CLYBL: variants seen among roughly 807,000 people sequenced by gnomAD.
CLYBL encodes citramalyl-CoA lyase, mitochondrial.
Under a neutral mutation model 38.9 loss-of-function variants are expected in CLYBL, and 31 were observed. The ratio of observed to expected loss-of-function variants is 0.80; its 90% CI spans 0.60 to 1.08. The LOEUF is 1.08. Ranked by LOEUF, CLYBL falls within the 50% of genes least tolerant of loss-of-function variation. The probability of loss-of-function intolerance (pLI) is 0.00; values close to 1 mark genes in which losing one functional copy is unlikely to be tolerated. For synonymous variants in CLYBL, 171 were observed against 158.6 expected, an observed-to-expected ratio of 1.08 and a Z score of -0.59; for missense variants, 434 against 411.6, an observed-to-expected ratio of 1.05 and a Z score of -0.47.
chr13:99,812,363 T>C (rs754171964), intron 2 of CLYBL, among the ~76,000 whole-genome samples: 1 of 152,312 alleles, frequency 6.6e-6, no homozygotes, highest in South Asian at 2.1e-4. Flanking sequence ...TTTATAGACA[T>C]ATAGATGTTT....
intron 2 of CLYBL, among the ~76,000 whole-genome samples, chr13:99,811,595 G>A (rs905448502): frequency 6.6e-6 from 1 of 152,162 alleles, no homozygotes. Context: ...GGGATCAGTT[G>A]CCCATTGGGG....
chr13:99,665,346 A>C (rs979650291), intron 1 of CLYBL, among the ~76,000 whole-genome samples: 1 of 151,356 alleles, frequency 6.6e-6, no homozygotes, highest in African/African-American at 2.4e-5. Context: ...TAAAAAAAAA[A>C]TTTCTTAATA....
Position 99,773,002 on chromosome 13 carries a change from AAC to A in CLYBL, c.243_244del (p.Asn81LysfsTer4), listed in dbSNP as rs1289195619. ...VLDCEDGVAA[N>X]KKNEARLRIV... is the part of the protein sequence containing the mutation. ...CGACTGTGAGGATGGAGTGGCTGCA[AAC>A]AAAAAGGTAATGGCATGATTTTAGT... On this transcript the variant is annotated frameshift_variant, in exon 2 of 9. Transcript: ENST00000339105. LOFTEE classifies it high-confidence loss of function. 3 of 1,609,108 alleles carry A rather than the reference AAC, an allele frequency of 1.9e-6. No homozygotes were observed. Among genetic ancestry groups the A allele is most frequent in the Non-Finnish European group, 1.7e-6 (2 of 1,179,016 alleles).
At chr13:99,632,826 A>G (rs1294532792) in intron 1 of CLYBL, among the ~76,000 whole-genome samples, 1 of 152,226 alleles carries the variant, frequency 6.6e-6, no homozygotes, top group Non-Finnish European at 1.5e-5. Context: ...GCCAAACTCA[A>G]GATGATAGAG....
At chr13:99,709,915 C>T (rs77972426) in intron 1 of CLYBL, among the ~76,000 whole-genome samples, 120 of 120,956 alleles carry the variant, frequency 9.9e-4, no homozygotes, top group Middle Eastern at 4.3e-3. Context: ...TTTTTTTTTT[C>T]TTTCTTTCTT....
chr13:99,655,973 G>A lies in CLYBL; in HGVS notation c.62+49216G>A, dbSNP rs139374308. Among the ~76,000 whole-genome samples the A allele has an allele frequency of 1.2e-3, 180 of 152,294 alleles. 1 individual carries two copies. In the East Asian group the frequency reaches 0.025, roughly 21 times the overall value. On this transcript the variant is annotated intron_variant, in intron 1 of 8. Transcript: ENST00000339105. ...TCTGGTTCGCAGGTGCGGTCAAGAC[G>A]ATTCCTTATTGTCTTGGAGCCAGCC...
chr13:99,865,308 A>T lies in CLYBL; in HGVS notation c.634+397A>T, dbSNP rs1429774178. 3.8e-6 allele frequency: 1 copy of T among 261,150 alleles called. No homozygotes were observed. 16.2% of individuals were successfully genotyped at this position (261,150 alleles called of 1,614,324 possible). A position where few individuals can be genotyped will look rare whatever the true frequency, so the allele number is the denominator to read the frequency against. On this transcript the variant is annotated intron_variant, in intron 5 of 8. Transcript: ENST00000339105. The surrounding 1 kb of genome is among the most constrained non-coding windows in gnomAD (Gnocchi z 4.7). ...TAGATTTCTAACGCAAATTTAAGGC[A>T]ATTTCACATTTGCCTTAATGAATTG...
intron 1 of CLYBL, among the ~76,000 whole-genome samples, chr13:99,755,574 A>C (rs941269352): frequency 6.6e-6 from 1 of 152,196 alleles, no homozygotes; most frequent in African/African-American, 2.4e-5. Flanking sequence ...TTGCAGGCAC[A>C]CTGCCAAAGG....
chr13:99,777,442 G>A (rs2049541807), intron 2 of CLYBL, among the ~76,000 whole-genome samples: 2 of 151,612 alleles, frequency 1.3e-5, no homozygotes, highest in African/African-American at 4.8e-5. Flanking sequence ...GTAAACTGTT[G>A]GAAATACAAA....
intron 2 of CLYBL, among the ~76,000 whole-genome samples, chr13:99,788,287 A>G (rs1412893193): frequency 1.3e-5 from 2 of 152,210 alleles, no homozygotes; most frequent in African/African-American, 4.8e-5. Flanking sequence ...CAGTTTTCAA[A>G]GGGAATGCTT....
intron 2 of CLYBL, among the ~76,000 whole-genome samples, chr13:99,793,033 A>AACACACACACACACACAC (rs10631674): frequency 6.9e-6 from 1 of 145,954 alleles, no homozygotes; most frequent in African/African-American, 2.6e-5. Context: ...GTGCATACAT[A>AACACACACACACACACAC]ACACACACAC....
chr13:99,667,410 A>G (rs2047497823), intron 1 of CLYBL, among the ~76,000 whole-genome samples: 1 of 149,060 alleles, frequency 6.7e-6, no homozygotes, highest in Non-Finnish European at 1.5e-5. Flanking sequence ...GGATTGCAGT[A>G]TAGTCCTACT....
intron 2 of CLYBL, among the ~76,000 whole-genome samples, chr13:99,776,759 G>A (rs74112562): frequency 0.011 from 1,690 of 152,158 alleles, 34 homozygotes; most frequent in African/African-American, 0.038. Context: ...GAACAGAGAC[G>A]TATATAGTGC....
chr13:99,806,612 A>G (rs535076995), intron 2 of CLYBL, among the ~76,000 whole-genome samples: 1 of 152,348 alleles, frequency 6.6e-6, no homozygotes, highest in Admixed American at 6.5e-5. Flanking sequence ...AGAAACAACC[A>G]TAGTACCTAC....
chr13:99,846,950 T>C (rs1046612943), intron 2 of CLYBL, among the ~76,000 whole-genome samples: 4 of 152,158 alleles, frequency 2.6e-5, no homozygotes, highest in African/African-American at 9.7e-5. Context: ...AATAAGTGTT[T>C]TCCTCCACAG....
intron 1 of CLYBL, among the ~76,000 whole-genome samples, chr13:99,728,906 G>A (rs2048532260): frequency 6.6e-6 from 1 of 152,156 alleles, no homozygotes; most frequent in Non-Finnish European, 1.5e-5. Flanking sequence ...TATAAACTGG[G>A]TCCTTCCTTA....
chr13:99,649,386 C>T (rs2047219585), intron 1 of CLYBL, among the ~76,000 whole-genome samples: 1 of 152,090 alleles, frequency 6.6e-6, no homozygotes, highest in Non-Finnish European at 1.5e-5. Flanking sequence ...GGTGCAGGTG[C>T]AGTTCTGTGA....
At chr13:99,710,351 C>G (rs1031870141) in intron 1 of CLYBL, among the ~76,000 whole-genome samples, 2 of 152,164 alleles carry the variant, frequency 1.3e-5, no homozygotes, top group African/African-American at 4.8e-5. Flanking sequence ...GAGGCAGTCA[C>G]GGGGCCGCAC....
intron 2 of CLYBL, among the ~76,000 whole-genome samples, chr13:99,781,304 G>A (rs1480434442): frequency 1.3e-5 from 2 of 151,920 alleles, no homozygotes; most frequent in African/African-American, 4.8e-5. Flanking sequence ...CCAAGTAGCT[G>A]GGACTACAGG....
Sources: allele counts gnomAD v4.1 joint callset (sites outside exome capture counted in the v4.1 genomes callset), GRCh38; gene constraint gnomAD v4.1.1; non-coding constraint Gnocchi (gnomAD v3.1); transcripts MANE v1.5; gene names NCBI Gene and HGNC (gene_info 2026-07-23, HGNC 2026-07-21).